FRMPD4: variants seen among roughly 807,000 people sequenced by gnomAD.
The protein encoded by FRMPD4 is FERM and PDZ domain-containing protein 4.
A neutral mutation model predicts 94.1 loss-of-function variants in FRMPD4; 22 were observed. That is an observed-to-expected ratio of 0.23 (90% CI 0.17 to 0.33). The LOEUF is 0.33. FRMPD4 is among the 10% of genes least tolerant of loss of function. The probability of loss-of-function intolerance (pLI) is 1.00; values close to 1 mark genes in which losing one functional copy is unlikely to be tolerated. For synonymous variants in FRMPD4, 631 were observed against 548.6 expected (o/e 1.15, Z -2.10); for missense variants, 1,111 against 1,339.9 (o/e 0.83, Z 2.67).
chrX:12,530,581 C>T (rs59500681), intron 2 of FRMPD4, among the ~76,000 whole-genome samples: 5,913 of 110,083 alleles, frequency 0.054, 190 homozygotes, highest in African/African-American at 0.12. Flanking sequence ...AAATATTTTT[C>T]AAAGGCCATG....
At chrX:12,469,027 T>G (rs766835444) in intron 1 of FRMPD4, among the ~76,000 whole-genome samples, 1 of 112,093 alleles carries the variant, frequency 8.9e-6, no homozygotes, top group African/African-American at 3.2e-5. Context: ...CTTAGAAAAA[T>G]GTCAATTTGG....
intron 1 of FRMPD4, among the ~76,000 whole-genome samples, chrX:12,222,144 G>A (rs778938603): frequency 1.2e-4 from 13 of 110,939 alleles, no homozygotes; most frequent in Admixed American, 2.9e-4. Flanking sequence ...ACCAGTCTTG[G>A]CAACATAACA....
At chrX:12,345,123 C>A (rs1298809416) in intron 1 of FRMPD4, among the ~76,000 whole-genome samples, 1 of 86,048 alleles carries the variant, frequency 1.2e-5, no homozygotes, top group East Asian at 3.8e-4. Flanking sequence ...AACAGACAGA[C>A]AAATGAAAGG....
At chrX:12,342,360 T>TA (rs780455831) in intron 1 of FRMPD4, among the ~76,000 whole-genome samples, 2 of 111,923 alleles carry the variant, frequency 1.8e-5, no homozygotes, top group East Asian at 2.8e-4. Flanking sequence ...CAAGACCCTA[T>TA]AAAAAAAGGT....
intron 1 of FRMPD4, among the ~76,000 whole-genome samples, chrX:12,171,750 A>C (rs1261272218): frequency 8.9e-6 from 1 of 112,339 alleles, no homozygotes; most frequent in Non-Finnish European, 1.9e-5. Context: ...AAGGAAACTC[A>C]GAGGTTTCTT....
chrX:12,337,576 T>C (rs112792234), intron 1 of FRMPD4, among the ~76,000 whole-genome samples: 3 of 112,247 alleles, frequency 2.7e-5, no homozygotes, highest in African/African-American at 9.7e-5. Context: ...TTAGGTGTTC[T>C]AATAACCAAA....
intron 2 of FRMPD4, among the ~76,000 whole-genome samples, chrX:12,596,912 G>C (rs759442589): frequency 1.8e-5 from 2 of 111,783 alleles, no homozygotes; most frequent in Non-Finnish European, 3.8e-5. Flanking sequence ...ATACCAAACA[G>C]AGCATATAAT....
intron 1 of FRMPD4, among the ~76,000 whole-genome samples, chrX:12,458,546 G>A (rs2057359058): frequency 8.9e-6 from 1 of 111,880 alleles, no homozygotes. Context: ...CATGAGCTTG[G>A]CTAATGGCTG....
chrX:12,193,589 T>C (rs772852616), intron 1 of FRMPD4, among the ~76,000 whole-genome samples: 1 of 105,065 alleles, frequency 9.5e-6, no homozygotes, highest in South Asian at 4.4e-4. Flanking sequence ...TATCTTCTTC[T>C]GCATAAGTTG....
At chrX:12,480,497 TTA>T (rs2057668480) in intron 1 of FRMPD4, among the ~76,000 whole-genome samples, 1 of 111,433 alleles carries the variant, frequency 9.0e-6, no homozygotes, top group Non-Finnish European at 1.9e-5. Context: ...TTAAAAATGT[TTA>T]TGTTTCTTGT....
Position 12,675,097 on chromosome X carries a change from A to G in FRMPD4, c.468+189A>G, listed in dbSNP as rs749022111. Among the ~76,000 whole-genome samples the G allele has an allele frequency of 5.3e-5, 6 of 112,437 alleles. No individual in the cohort carries two copies. The East Asian group carries it at 1.7e-3, about 31-fold the overall frequency. On this transcript the variant is annotated intron_variant, in intron 5 of 16. Coordinates refer to ENST00000675598, the MANE Select transcript of FRMPD4 (RefSeq NM_001368397.1). ...TTAGCAAAGTCATTCATTGAAGAGA[A>G]AAGGGAGTAATACATTTTCTAAAGT...
chrX:12,318,015 G>T lies in FRMPD4; in HGVS notation c.41+179003G>T, dbSNP rs753954137. Among the ~76,000 whole-genome samples, 3 of 112,398 alleles carry T rather than the reference G, an allele frequency of 2.7e-5. No individual in the cohort carries two copies. The South Asian group carries it at 1.1e-3, about 41-fold the overall frequency. The stretch of plus-strand genomic sequence containing the variant: ...TATCTGCACTCTCATGTTTATTGCA[G>T]CACTACTTACAATAGTCAAGATATG... On this transcript the variant is annotated intron_variant, in intron 1 of 16. Transcript: ENST00000675598.
In FRMPD4 at chrX:12,153,215, C is replaced by T. The variant is rs367824449; in HGVS notation, c.41+14203C>T. On this transcript the variant is annotated intron_variant, in intron 1 of 16. Transcript: ENST00000675598. ...CCTCCCAAAGTGCTGGGATTACAGGCGTGAGCCACCGCGAGCTTATACATT... is the reference window on the plus strand; with the variant it reads ...CCTCCCAAAGTGCTGGGATTACAGGTGTGAGCCACCGCGAGCTTATACATT... Among the ~76,000 whole-genome samples the T allele has an allele frequency of 6.2e-4, 69 of 111,584 alleles. 1 individual carries two copies. The highest frequency in any genetic ancestry group is 2.2e-3 in the African/African-American group (67 of 30,736).
rs73497344 is a variant in FRMPD4 at position 11,924,071 on chromosome X, G to A, written c.95+46053G>A. Among the ~76,000 whole-genome samples the A allele has an allele frequency of 2.5e-3, 284 of 112,331 alleles. 1 individual carries two copies. Among genetic ancestry groups the A allele is most frequent in the African/African-American group, 8.9e-3 (276 of 30,899 alleles). On this transcript the variant is annotated intron_variant, in intron 3 of 18. Coordinates refer to the FRMPD4 transcript ENST00000640291. ...CAGGAGTTGACAGATCAAATAGCCA[G>A]TATAGAGGAGAATGTAACCAATCTG... is the stretch of plus-strand genomic sequence containing the variant.
intron 16 of FRMPD4, among the ~76,000 whole-genome samples, chrX:12,719,994 A>AGGAAAG (rs1187065261): frequency 2.6e-4 from 21 of 81,956 alleles, no homozygotes; most frequent in African/African-American, 1.1e-3. Flanking sequence ...AAGAAAGGAA[A>AGGAAAG]GAAAGGAAAG....
intron 13 of FRMPD4, among the ~76,000 whole-genome samples, chrX:12,708,279 G>A (rs2041915772): frequency 9.1e-6 from 1 of 110,276 alleles, no homozygotes; most frequent in Non-Finnish European, 1.9e-5. Context: ...AGACCAGGCT[G>A]ACCAACATGG....
chrX:12,160,709 A>G (rs1350208855), intron 1 of FRMPD4, among the ~76,000 whole-genome samples: 2 of 111,742 alleles, frequency 1.8e-5, no homozygotes, highest in African/African-American at 6.5e-5. Flanking sequence ...GCAGAAGGGT[A>G]TCACATTCTT....
At chrX:12,463,682 T>TGTTG (rs60848578) in intron 1 of FRMPD4, among the ~76,000 whole-genome samples, 4 of 31,504 alleles carry the variant, frequency 1.3e-4, no homozygotes, top group South Asian at 1.9e-3. Context: ...TATGTGTGTG[T>TGTTG]TTTTTTTTTG....
At chrX:12,160,068 GGTGTGT>G (rs757966489) in intron 1 of FRMPD4, among the ~76,000 whole-genome samples, 10 of 100,048 alleles carry the variant, frequency 1.0e-4, no homozygotes, top group Admixed American at 6.5e-4. Context: ...GATGTTGAGG[GGTGTGT>G]GTGTGTGTGT....
Sources: allele counts gnomAD v4.1 joint callset (sites outside exome capture counted in the v4.1 genomes callset), GRCh38; gene constraint gnomAD v4.1.1; transcripts MANE v1.5; gene names NCBI Gene and HGNC (gene_info 2026-07-23, HGNC 2026-07-21).